The following HAUS6 variants were observed in gnomAD, a reference collection of about 807,000 sequenced individuals.
The protein encoded by HAUS6 is HAUS augmin-like complex subunit 6.
In HAUS6, 80 loss-of-function variants were observed where a neutral mutation model predicts 106.8. The observed-to-expected ratio is 0.75, with a 90% CI of 0.63 to 0.90. The LOEUF (loss-of-function observed/expected upper bound fraction) is 0.90, where lower values mean the gene tolerates loss of function less well. Ranked by LOEUF, HAUS6 falls within the 40% of genes least tolerant of loss-of-function variation. The pLI is 0.00. For missense variants in HAUS6, 1,155 were observed against 1,118.1 expected (o/e 1.03, Z -0.47); for synonymous variants, 356 against 379.1 (o/e 0.94, Z 0.71).
intron 12 of HAUS6, among the ~76,000 whole-genome samples, chr9:19,067,802 T>A (rs935945052): frequency 2.0e-5 from 3 of 152,060 alleles, no homozygotes; most frequent in Non-Finnish European, 4.4e-5. Context: ...AATTCTCCTG[T>A]CTCAGCCTCC....
chr9:19,072,873 T>C (rs1242937943), intron 11 of HAUS6, among the ~76,000 whole-genome samples: 1 of 152,150 alleles, frequency 6.6e-6, no homozygotes, highest in Non-Finnish European at 1.5e-5. Context: ...ACAGGCATTA[T>C]TCTAGAATAA....
At chr9:19,079,471 T>C (rs1369572738) in intron 9 of HAUS6, among the ~76,000 whole-genome samples, 1 of 151,716 alleles carries the variant, frequency 6.6e-6, no homozygotes, top group East Asian at 2.0e-4. Flanking sequence ...CCTGAGGTGA[T>C]CCACCTGCCT....
Position 19,057,981 on chromosome 9 carries a change from C to T in HAUS6, c.2786G>A (p.Gly929Glu). Residue 929 changes from glycine to glutamate, a missense_variant, in exon 16 of 17, where the codon GGA becomes GAA. Transcript: ENST00000380502. ...CTTACCCTTTAAATTAGGTAGTTCT[C>T]CAAGACTACATGCTATTGTGGTTCT... is the stretch of plus-strand genomic sequence containing the variant. ...RLRTTIACSL[G>E]ELPNLKEEDI... 3 of 1,605,006 alleles carry T rather than the reference C, an allele frequency of 1.9e-6. No homozygotes were observed. The highest frequency in any genetic ancestry group is 1.3e-5 in the African/African-American group (1 of 74,776).
intron 9 of HAUS6, 143 bp downstream of exon 9, chr9:19,080,336 A>G: frequency 1.6e-6 from 1 of 613,830 alleles, no homozygotes; most frequent in Non-Finnish European, 2.9e-6. Flanking sequence ...GTATATCTCC[A>G]AGAGTTGATT....
intron 1 of HAUS6, among the ~76,000 whole-genome samples, chr9:19,098,353 G>A (rs555261093): frequency 3.1e-4 from 46 of 150,246 alleles, no homozygotes; most frequent in Non-Finnish European, 5.2e-4. Flanking sequence ...CAGGAGAATC[G>A]CTTGAACCCA....
At chr9:19,075,653 G>A (rs762118862) in intron 11 of HAUS6, among the ~76,000 whole-genome samples, 3 of 151,344 alleles carry the variant, frequency 2.0e-5, no homozygotes, top group African/African-American at 4.9e-5. Context: ...AATACATAGA[G>A]ATAAGAAGTA....
At chr9:19,087,838 C>T (rs936923827) in intron 5 of HAUS6, among the ~76,000 whole-genome samples, 1 of 124,844 alleles carries the variant, frequency 8.0e-6, no homozygotes, top group Non-Finnish European at 1.6e-5. Flanking sequence ...CAGAGCAAGA[C>T]CTTGTCTCAA....
intron 4 of HAUS6, among the ~76,000 whole-genome samples, chr9:19,092,950 C>G (rs1817786333): frequency 6.9e-6 from 1 of 143,918 alleles, no homozygotes; most frequent in African/African-American, 2.6e-5. Context: ...TTTCCCAACC[C>G]TTGTATTAGA....
intron 11 of HAUS6, among the ~76,000 whole-genome samples, chr9:19,071,419 A>G (rs1836879414): frequency 6.6e-6 from 1 of 152,200 alleles, no homozygotes. Flanking sequence ...AGATAAAGTA[A>G]TATTTTAAGA....
Position 19,086,715 on chromosome 9 carries a change from C to A in HAUS6, c.699+19G>T. ...AGAATTTTAAAAGATTAAATTTCTC[C>A]TTTTATAAGTTGTCTCACCTTTTGA... On this transcript the variant is annotated intron_variant, in intron 7 of 16. Transcript: ENST00000380502. 2 of 1,094,262 alleles carry A rather than the reference C, an allele frequency of 1.8e-6. No homozygotes were observed. The highest frequency in any genetic ancestry group is 1.9e-5 in the Admixed American group (1 of 53,332). The allele number at this position is 1,094,262 out of a possible 1,614,324, so 67.8% of individuals were successfully genotyped here.
intron 6 of HAUS6, 129 bp from the exon 7 acceptor site, chr9:19,086,911 A>G: frequency 1.6e-6 from 1 of 621,282 alleles, no homozygotes; most frequent in Non-Finnish European, 2.9e-6. Context: ...TTTAATCTGA[A>G]AGCGATAATA....
At chr9:19,067,535 G>C (rs1342291614) in intron 12 of HAUS6, among the ~76,000 whole-genome samples, 2 of 152,146 alleles carry the variant, frequency 1.3e-5, no homozygotes, top group Admixed American at 6.5e-5. Flanking sequence ...AGATTCAGGA[G>C]CTTAGAAGAA....
chr9:19,075,960 GAAA>G (rs1212966351), intron 11 of HAUS6, among the ~76,000 whole-genome samples: 1 of 135,670 alleles, frequency 7.4e-6, no homozygotes. Context: ...CTCCATCTCG[GAAA>G]AAAAAAAAAA....
chr9:19,085,628 AAAGAAAACCT>A (rs899281879), intron 7 of HAUS6, among the ~76,000 whole-genome samples: 1 of 151,988 alleles, frequency 6.6e-6, no homozygotes, highest in Non-Finnish European at 1.5e-5. Flanking sequence ...AAAAAAAAAA[AAAGAAAACCT>A]AAGAAAATAC....
intron 12 of HAUS6, chr9:19,063,809 C>T (rs1001798937): frequency 7.2e-6 from 5 of 697,064 alleles, no homozygotes; most frequent in African/African-American, 3.5e-5. Context: ...TTACTTACCA[C>T]ATACTGAGTC....
intron 8 of HAUS6, among the ~76,000 whole-genome samples, chr9:19,081,933 C>T (rs1837159842): frequency 6.6e-6 from 1 of 152,004 alleles, no homozygotes; most frequent in Non-Finnish European, 1.5e-5. Context: ...AGAGTCACAA[C>T]AATATTTTAT....
At chr9:19,059,600 G>GTTCTGATATGT (rs1196380084) in intron 15 of HAUS6, among the ~76,000 whole-genome samples, 3 of 152,140 alleles carry the variant, frequency 2.0e-5, no homozygotes, top group African/African-American at 7.2e-5. Flanking sequence ...GCCTACCTAA[G>GTTCTGATATGT]GACACCAATA....
chr9:19,093,431 T>G (rs974514156), intron 3 of HAUS6, 128 bp from the exon 4 acceptor site: 1 of 824,230 alleles, frequency 1.2e-6, no homozygotes, highest in Non-Finnish European at 2.0e-6. Flanking sequence ...ATAAGTACTA[T>G]GCTATAGGTT....
At chr9:19,059,247 C>T (rs1046876270) in intron 15 of HAUS6, among the ~76,000 whole-genome samples, 2 of 152,188 alleles carry the variant, frequency 1.3e-5, no homozygotes, top group Non-Finnish European at 2.9e-5. Flanking sequence ...CAATTTTACA[C>T]AGCACATATG....
Sources: allele counts gnomAD v4.1 joint callset (sites outside exome capture counted in the v4.1 genomes callset), GRCh38; gene constraint gnomAD v4.1.1; transcripts MANE v1.5; gene names NCBI Gene and HGNC (gene_info 2026-07-23, HGNC 2026-07-21).